The following PRUNE2 variants were observed in gnomAD, a reference collection of about 807,000 sequenced individuals.
The protein encoded by PRUNE2 is prune homolog 2 with BCH domain, also known as protein prune homolog 2.
Under a neutral mutation model 252.0 loss-of-function variants are expected in PRUNE2, and 164 were observed. The observed-to-expected ratio is 0.65, with a 90% CI of 0.57 to 0.74. The LOEUF (loss-of-function observed/expected upper bound fraction) is 0.74, where lower values mean the gene tolerates loss of function less well. Among genes scored for constraint, PRUNE2 ranks in the 30% least tolerant of loss-of-function variants. The pLI, the probability that PRUNE2 is intolerant of heterozygous loss-of-function variation, is 0.00. For missense variants in PRUNE2, 3,495 were observed against 3,711.0 expected, an observed-to-expected ratio of 0.94 and a Z score of 1.51; for synonymous variants, 1,292 against 1,350.2, an observed-to-expected ratio of 0.96 and a Z score of 0.94.
chr9:76,627,764 C>A, intron 16 of PRUNE2: 1 of 258,740 alleles, frequency 3.9e-6, no homozygotes, highest in Non-Finnish European at 8.1e-6. Context: ...ATTTGAATTT[C>A]CGTTCCATCT....
At chr9:76,748,732 G>A (rs1317659750) in intron 6 of PRUNE2, 21 of 152,256 alleles carry the variant, frequency 1.4e-4, no homozygotes, top group Admixed American at 1.3e-3. Context: ...TAGAAGAGGT[G>A]AGTGGGTCCA....
chr9:76,817,362 T>A (rs1259264329), intron 6 of PRUNE2, among the ~76,000 whole-genome samples: 1 of 152,186 alleles, frequency 6.6e-6, no homozygotes, highest in African/African-American at 2.4e-5. Flanking sequence ...TGTCCTTACC[T>A]CTAAGATAGA....
At position 76,611,471 on chromosome 9, in the gene PRUNE2, AATTT is replaced by A. The variant is rs1210180791; in HGVS notation, c.*3095_*3098del. The A allele has an allele frequency of 5.3e-5, 8 of 152,328 alleles. No individual in the cohort carries two copies. Among genetic ancestry groups the A allele is most frequent in the African/African-American group, 1.2e-4 (5 of 41,574 alleles). The allele number at this position is 152,328 out of a possible 1,614,324, so 9.4% of individuals were successfully genotyped here. On this transcript the variant is annotated 3_prime_UTR_variant, in exon 19 of 19. Transcript: ENST00000376718. ...TATATTATTAATCTACATTATGGAG[AATTT>A]ATTTACCAAAACGAAGTCTAACAGA...
chr9:76,854,303 T>C, intron 1 of PRUNE2, 95 bp from the exon 2 acceptor site: 2 of 554,700 alleles, frequency 3.6e-6, no homozygotes, highest in Non-Finnish European at 6.3e-6. Flanking sequence ...CTTATCCATA[T>C]TGATACACAA....
At chr9:76,768,569 ATATATG>A (rs201185194) in intron 6 of PRUNE2, among the ~76,000 whole-genome samples, 11,644 of 145,204 alleles carry the variant, frequency 0.08, 531 homozygotes, top group East Asian at 0.097. Flanking sequence ...GGGTTGATAT[ATATATG>A]TATATGTATG....
At chr9:76,631,916 G>A (rs1837812039) in intron 15 of PRUNE2, among the ~76,000 whole-genome samples, 1 of 152,040 alleles carries the variant, frequency 6.6e-6, no homozygotes, top group South Asian at 2.1e-4. Flanking sequence ...GGTTTTCTTA[G>A]GATAACTCAC....
At chr9:76,844,814 C>A (rs769964744) in intron 4 of PRUNE2, among the ~76,000 whole-genome samples, 58 of 152,026 alleles carry the variant, frequency 3.8e-4, no homozygotes, top group Non-Finnish European at 7.8e-4. Context: ...CCACATTCTG[C>A]CAGCTTCCCA....
At chr9:76,677,292 T>C (rs569126788) in intron 9 of PRUNE2, among the ~76,000 whole-genome samples, 1 of 152,356 alleles carries the variant, frequency 6.6e-6, no homozygotes, top group African/African-American at 2.4e-5. Context: ...TTAAAAAAAA[T>C]TCATTATTTT....
chr9:76,652,786 G>C lies in PRUNE2; in HGVS notation c.8357-103C>G. On this transcript the variant is annotated intron_variant, in intron 10 of 18. Coordinates refer to ENST00000376718, the MANE Select transcript of PRUNE2 (RefSeq NM_015225.3). ...TGCTCCAAAATCTGAAACTTTTTGA[G>C]TGCCAACATGACGTGTCAAGGAAAT... 2.6e-6 allele frequency: 2 copies of C among 770,600 alleles called. 1 individual carries two copies. 47.7% of individuals were successfully genotyped at this position (770,600 alleles called of 1,614,324 possible).
rs182440174 is a variant in PRUNE2 at position 76,790,233 on chromosome 9, G to T, written c.756+33399C>A. On this transcript the variant is annotated intron_variant, in intron 6 of 18. Transcript: ENST00000376718. Reference sequence around the variant, plus strand: ...AGGCTACCTTCTGAGAGCAGCTTGAGGAAAGAGGCCATGTCTTTGTGTCCC... The same window carrying T: ...AGGCTACCTTCTGAGAGCAGCTTGATGAAAGAGGCCATGTCTTTGTGTCCC... Among the ~76,000 whole-genome samples the T allele has an allele frequency of 3.3e-5, 5 of 152,300 alleles. No homozygotes were observed. In the East Asian group the frequency reaches 9.6e-4, roughly 29 times the overall value.
chr9:76,894,052 T>C (rs1183025858), intron 1 of PRUNE2, among the ~76,000 whole-genome samples: 1 of 152,200 alleles, frequency 6.6e-6, no homozygotes, highest in African/African-American at 2.4e-5. Flanking sequence ...CCTATATACA[T>C]TTCTTAAGAC....
chr9:76,850,957 G>A (rs1038658756), intron 2 of PRUNE2, among the ~76,000 whole-genome samples: 2 of 150,300 alleles, frequency 1.3e-5, no homozygotes, highest in Non-Finnish European at 2.9e-5. Context: ...TACTACATAT[G>A]ATTAAAATTT....
chr9:76,748,191 ATT>A (rs912409685), intron 6 of PRUNE2, among the ~76,000 whole-genome samples: 4 of 152,230 alleles, frequency 2.6e-5, no homozygotes, highest in Admixed American at 1.3e-4. Flanking sequence ...GAATACTGAT[ATT>A]TGAGGCAGTA....
At chr9:76,793,635 A>G (rs192213103) in intron 6 of PRUNE2, among the ~76,000 whole-genome samples, 1 of 152,314 alleles carries the variant, frequency 6.6e-6, no homozygotes, top group Admixed American at 6.5e-5. Context: ...TCAACTACAT[A>G]TCACCAGTTT....
intron 9 of PRUNE2, among the ~76,000 whole-genome samples, chr9:76,693,259 A>G (rs1440159624): frequency 4.6e-5 from 7 of 150,772 alleles, no homozygotes; most frequent in Non-Finnish European, 3.0e-5. Flanking sequence ...TAAATATCCA[A>G]TGTTACATAA....
At chr9:76,783,442 A>T (rs572589432) in intron 6 of PRUNE2, among the ~76,000 whole-genome samples, 20 of 152,114 alleles carry the variant, frequency 1.3e-4, no homozygotes, top group Non-Finnish European at 2.5e-4. Flanking sequence ...CCAAGAAGTC[A>T]TATGACCTGT....
At chr9:76,645,107 T>A in intron 11 of PRUNE2, 198 bp from the exon 12 acceptor site, 1 of 513,736 alleles carries the variant, frequency 1.9e-6, no homozygotes, top group Non-Finnish European at 3.4e-6. Context: ...CCATATAAAG[T>A]ACACTCAATG....
chr9:76,703,420 A>G lies in PRUNE2; in HGVS notation c.8193T>C (p.Val2731=). The G allele has an allele frequency of 6.2e-7, 1 of 1,613,690 alleles. No individual in the cohort carries two copies. The highest frequency in any genetic ancestry group is 8.5e-7 in the Non-Finnish European group (1 of 1,179,766). ...CCGTGTCAGGGATCATGTTTTTCTG[A>G]ACAGGCTGTGGTGAAAGCATTTCCC... ...NEWEMLSPQP[V]QKNMIPDTEM... The change falls in exon 9 of 19, where the codon GTT becomes GTC. Residue 2731 remains valine, a synonymous_variant. Transcript: ENST00000376718.
chr9:76,802,517 T>G (rs1466514660), intron 6 of PRUNE2, among the ~76,000 whole-genome samples: 1 of 152,192 alleles, frequency 6.6e-6, no homozygotes, highest in South Asian at 2.1e-4. Flanking sequence ...GTTGCTGAGA[T>G]TTTTGTTTCC....
Sources: allele counts gnomAD v4.1 joint callset (sites outside exome capture counted in the v4.1 genomes callset), GRCh38; gene constraint gnomAD v4.1.1; transcripts MANE v1.5; gene names NCBI Gene and HGNC (gene_info 2026-07-23, HGNC 2026-07-21).